The following DNM3 variants were observed in gnomAD, a reference collection of about 807,000 sequenced individuals.
The protein encoded by DNM3 is dynamin-3.
In DNM3, 47 loss-of-function variants were observed where a neutral mutation model predicts 101.6. That is an observed-to-expected ratio of 0.46 (90% CI 0.37 to 0.59). The LOEUF is 0.59. Ranked by LOEUF, DNM3 falls within the 20% of genes least tolerant of loss-of-function variation. The pLI, the probability that DNM3 is intolerant of heterozygous loss-of-function variation, is 0.00. For missense variants in DNM3, 849 were observed against 1,085.7 expected (o/e 0.78, Z 3.06); for synonymous variants, 385 against 387.9 (o/e 0.99, Z 0.09).
In DNM3 at chr1:172,263,690, A is replaced by C. The variant is rs12078522; in HGVS notation, c.1769+10008A>C. ...CACTATCATGAGAACAGCATGGGAAAAATCAGCCTCCATGATTAAATTACC... is the reference window on the plus strand; with the variant it reads ...CACTATCATGAGAACAGCATGGGAACAATCAGCCTCCATGATTAAATTACC... On this transcript the variant is annotated intron_variant, in intron 15 of 20. Coordinates refer to ENST00000627582, the MANE Select transcript of DNM3 (RefSeq NM_015569.5). Among the ~76,000 whole-genome samples the C allele has an allele frequency of 4.8e-3, 732 of 152,268 alleles. 7 individuals carry two copies. The highest frequency in any genetic ancestry group is 0.017 in the African/African-American group (695 of 41,564).
chr1:172,097,771 T>A (rs2054343696), intron 13 of DNM3, among the ~76,000 whole-genome samples: 1 of 152,158 alleles, frequency 6.6e-6, no homozygotes, highest in Non-Finnish European at 1.5e-5. Context: ...TTCTTTTCTA[T>A]TTTCCCTAAA....
rs2031210951 is a variant in DNM3, at chr1:171,841,695, G to T, written c.39G>T (p.Val13=). 1 of 1,611,990 alleles carries T rather than the reference G, an allele frequency of 6.2e-7. No individual in the cohort carries two copies. The highest frequency in any genetic ancestry group is 1.7e-5 in the Admixed American group (1 of 59,898). The change falls in exon 1 of 21, where the codon GTG becomes GTT. Residue 13 remains valine, a synonymous_variant. Coordinates refer to ENST00000627582, the MANE Select transcript of DNM3 (RefSeq NM_015569.5). ...NREMEELIPL[V]NRLQDAFSAL... is the part of the protein sequence containing the mutation. Reference sequence around the variant, plus strand: ...AGATGGAGGAGCTGATCCCGCTGGTGAACCGTCTGCAGGACGCGTTTTCGG... The same window carrying T: ...AGATGGAGGAGCTGATCCCGCTGGTTAACCGTCTGCAGGACGCGTTTTCGG...
chr1:172,032,237 C>T (rs972502409), intron 4 of DNM3, among the ~76,000 whole-genome samples, 165 bp from the exon 5 acceptor site: 9 of 151,944 alleles, frequency 5.9e-5, no homozygotes, highest in African/African-American at 2.2e-4. Flanking sequence ...CTCCTCATCA[C>T]ACTGAAATCA....
At chr1:172,367,679 A>C (rs937716784) in intron 17 of DNM3, among the ~76,000 whole-genome samples, 2 of 151,890 alleles carry the variant, frequency 1.3e-5, no homozygotes, top group African/African-American at 4.8e-5. Context: ...AGACCAAACT[A>C]TATGCCGCCT....
chr1:172,074,841 C>G (rs1046748258), intron 11 of DNM3, among the ~76,000 whole-genome samples: 1 of 152,116 alleles, frequency 6.6e-6, no homozygotes, highest in African/African-American at 2.4e-5. Context: ...AGTAATGGGA[C>G]TGCTGCGTCA....
chr1:171,990,724 C>T (rs2045575912), intron 4 of DNM3, among the ~76,000 whole-genome samples: 2 of 152,024 alleles, frequency 1.3e-5, no homozygotes, highest in Non-Finnish European at 2.9e-5. Flanking sequence ...CTTCCTATAC[C>T]CTAGCATTGG....
rs530357999 is a variant in DNM3, at chr1:172,212,008, A to C, written c.1660-41565A>C. Among the ~76,000 whole-genome samples, 5 of 152,238 alleles carry C rather than the reference A, an allele frequency of 3.3e-5. No individual in the cohort carries two copies. The East Asian group carries it at 9.7e-4, about 29-fold the overall frequency. On this transcript the variant is annotated intron_variant, in intron 14 of 20. Transcript: ENST00000627582. ...TTGTTCAAGCTCTTTAATGTTATCTATTTGTTGTATTTAGCAAAGGAATGA... is the reference window on the plus strand; with the variant it reads ...TTGTTCAAGCTCTTTAATGTTATCTCTTTGTTGTATTTAGCAAAGGAATGA...
At chr1:172,212,624 A>T (rs946170109) in intron 14 of DNM3, among the ~76,000 whole-genome samples, 1 of 152,176 alleles carries the variant, frequency 6.6e-6, no homozygotes, top group African/African-American at 2.4e-5. Context: ...TAAAAAGCCC[A>T]AACCTTTCGC....
intron 15 of DNM3, among the ~76,000 whole-genome samples, chr1:172,307,895 T>C (rs573501138): frequency 6.6e-6 from 1 of 152,040 alleles, no homozygotes; most frequent in Admixed American, 6.6e-5. Flanking sequence ...GGGGGAGGGA[T>C]AGCATGAGGA....
At chr1:171,851,191 C>T (rs934414106) in intron 1 of DNM3, among the ~76,000 whole-genome samples, 1 of 152,134 alleles carries the variant, frequency 6.6e-6, no homozygotes, top group Non-Finnish European at 1.5e-5. Context: ...AGGAATCTAC[C>T]GAACAGTTGG....
intron 14 of DNM3, among the ~76,000 whole-genome samples, chr1:172,230,784 T>G (rs997900405): frequency 6.6e-6 from 1 of 152,138 alleles, no homozygotes; most frequent in African/African-American, 2.4e-5. Context: ...TCTAGCCATA[T>G]CCTGCTGCAT....
At chr1:171,899,231 T>C (rs2038091247) in intron 1 of DNM3, among the ~76,000 whole-genome samples, 1 of 152,228 alleles carries the variant, frequency 6.6e-6, no homozygotes, top group Non-Finnish European at 1.5e-5. Context: ...TAAGCAGCAC[T>C]ACACACTGGA....
At chr1:171,864,228 A>G (rs1026710167) in intron 1 of DNM3, 1 of 152,220 alleles carries the variant, frequency 6.6e-6, no homozygotes, top group Non-Finnish European at 1.5e-5. Flanking sequence ...AAAATGCTGC[A>G]TTTTCTTGGC....
At chr1:172,047,634 A>G (rs2049910253) in intron 9 of DNM3, among the ~76,000 whole-genome samples, 1 of 152,226 alleles carries the variant, frequency 6.6e-6, no homozygotes, top group Non-Finnish European at 1.5e-5. Context: ...CAGAGAAATT[A>G]CCATTATAAT....
intron 3 of DNM3, among the ~76,000 whole-genome samples, chr1:171,988,680 G>A (rs939223487): frequency 6.6e-6 from 1 of 152,158 alleles, no homozygotes; most frequent in Non-Finnish European, 1.5e-5. Context: ...TTACAGATAT[G>A]ACAGCTTTCT....
chr1:172,119,176 G>A (rs1342499976), intron 13 of DNM3, among the ~76,000 whole-genome samples: 1 of 151,882 alleles, frequency 6.6e-6, no homozygotes, highest in Non-Finnish European at 1.5e-5. Context: ...ATTTTTAGTA[G>A]AGATGGGGTT....
chr1:172,230,390 C>G (rs557317971), intron 14 of DNM3, among the ~76,000 whole-genome samples: 22 of 152,136 alleles, frequency 1.4e-4, no homozygotes, highest in Non-Finnish European at 3.2e-4. Context: ...TGGACTCTCC[C>G]TACCTCCTTA....
At chr1:172,250,860 A>G (rs904222320) in intron 14 of DNM3, among the ~76,000 whole-genome samples, 7 of 152,128 alleles carry the variant, frequency 4.6e-5, no homozygotes, top group Admixed American at 1.3e-4. Flanking sequence ...CTATCAGTAG[A>G]AATTTAATGG....
intron 15 of DNM3, among the ~76,000 whole-genome samples, chr1:172,306,658 C>G (rs2064831560): frequency 6.6e-6 from 1 of 152,190 alleles, no homozygotes; most frequent in African/African-American, 2.4e-5. Context: ...AGCAAAACAG[C>G]ATGGTACTGG....
Sources: gnomAD v4.1 joint callset for allele counts (sites outside exome capture counted in the v4.1 genomes callset) on GRCh38, gnomAD v4.1.1 for gene constraint, MANE v1.5 for transcripts, NCBI Gene and HGNC (gene_info 2026-07-23, HGNC 2026-07-21) for gene names.